Variants in AKAP19 observed in about 807,000 individuals in gnomAD.
AKAP19 encodes the protein A-kinase anchoring protein 19.
the AKAP19 span, among the ~76,000 whole-genome samples, chr2:189,942,090 A>T: frequency 1.3e-5 from 2 of 152,202 alleles, no homozygotes; most frequent in Non-Finnish European, 2.9e-5. Flanking sequence ...TGACAAAGGG[A>T]TCTGATATAG....
the AKAP19 span, among the ~76,000 whole-genome samples, chr2:190,175,361 A>C: frequency 6.6e-6 from 1 of 152,268 alleles, no homozygotes; most frequent in African/African-American, 2.4e-5. Flanking sequence ...CAAACAAGTG[A>C]GAAGAAATAG....
At chr2:190,195,257 A>G in the AKAP19 span, among the ~76,000 whole-genome samples, 1 of 152,224 alleles carries the variant, frequency 6.6e-6, no homozygotes, top group African/African-American at 2.4e-5. Flanking sequence ...CTAAGTTTTC[A>G]AAGTTATGAA....
the AKAP19 span, among the ~76,000 whole-genome samples, chr2:189,880,679 C>G: frequency 6.6e-6 from 1 of 152,218 alleles, no homozygotes; most frequent in Non-Finnish European, 1.5e-5. Flanking sequence ...TCTTGGATGA[C>G]TCAGCTTTCA....
chr2:190,031,375 C>A, the AKAP19 span, among the ~76,000 whole-genome samples: 2 of 152,164 alleles, frequency 1.3e-5, no homozygotes, highest in East Asian at 3.8e-4. Flanking sequence ...CAGTGAGATT[C>A]ATATACAGCT....
chr2:190,139,484 A>G, the AKAP19 span, among the ~76,000 whole-genome samples: 1 of 152,198 alleles, frequency 6.6e-6, no homozygotes, highest in African/African-American at 2.4e-5. Context: ...TAATTTATAA[A>G]GGAAAGAGGT....
At chr2:190,090,364 G>A in the AKAP19 span, among the ~76,000 whole-genome samples, 2 of 152,156 alleles carry the variant, frequency 1.3e-5, no homozygotes, top group Non-Finnish European at 2.9e-5. Flanking sequence ...TTCTGCCTTG[G>A]TCTCTTGGAT....
At chr2:189,917,624 C>T in the AKAP19 span, 3 of 339,116 alleles carry the variant, frequency 8.8e-6, no homozygotes, top group East Asian at 1.8e-4. Context: ...TCTTGTGAGA[C>T]CTTTTTCTTG....
chr2:190,170,931 A>G, the AKAP19 span, among the ~76,000 whole-genome samples: 3 of 152,202 alleles, frequency 2.0e-5, no homozygotes, highest in Non-Finnish European at 2.9e-5. Context: ...ATAAAGTAGC[A>G]ATGTCTCAAG....
At chr2:190,186,858 G>T in the AKAP19 span, among the ~76,000 whole-genome samples, 1 of 151,340 alleles carries the variant, frequency 6.6e-6, no homozygotes, top group African/African-American at 2.4e-5. The surrounding 1 kb of genome is among the most constrained non-coding windows in gnomAD (Gnocchi z 5.5). Context: ...TATTTTTTTT[G>T]AGACTGAGTC....
the AKAP19 span, among the ~76,000 whole-genome samples, chr2:190,167,453 A>G: frequency 6.6e-6 from 1 of 152,158 alleles, no homozygotes; most frequent in Non-Finnish European, 1.5e-5. Flanking sequence ...TTTCAAAACC[A>G]ATCATGCCTT....
At chr2:189,879,808 C>T in the AKAP19 span, 1 of 152,250 alleles carries the variant, frequency 6.6e-6, no homozygotes, top group Non-Finnish European at 1.5e-5. Flanking sequence ...AGCCCTTGGC[C>T]TGGGAGAAGG....
At chr2:190,184,685 T>C in the AKAP19 span, among the ~76,000 whole-genome samples, 1 of 152,220 alleles carries the variant, frequency 6.6e-6, no homozygotes, top group Admixed American at 6.5e-5. Flanking sequence ...AAGATAGTAC[T>C]TGGGTTTAAG....
chr2:190,079,890 T>TGTGTGTGTGTGTGA, the AKAP19 span: 1 of 109,434 alleles, frequency 9.1e-6, no homozygotes, highest in African/African-American at 3.2e-5. Flanking sequence ...TGTGTGTGTG[T>TGTGTGTGTGTGTGA]GAGAGAGAGA....
chr2:189,975,839 C>T, the AKAP19 span, among the ~76,000 whole-genome samples: 2 of 152,202 alleles, frequency 1.3e-5, no homozygotes. Flanking sequence ...TCCATCAGGT[C>T]ATTTAAGGAC....
At chr2:189,899,484 C>A in the AKAP19 span, among the ~76,000 whole-genome samples, 4 of 152,266 alleles carry the variant, frequency 2.6e-5, no homozygotes, top group African/African-American at 9.6e-5. Flanking sequence ...TGGTAACCAT[C>A]TTGTCAGAAA....
chr2:189,880,796 A>AC, the AKAP19 span, among the ~76,000 whole-genome samples: 12 of 152,246 alleles, frequency 7.9e-5, no homozygotes, highest in African/African-American at 2.6e-4. Context: ...ACATTTGGGG[A>AC]CCCCAAATGT....
the AKAP19 span, among the ~76,000 whole-genome samples, chr2:190,076,087 ATTG>A: frequency 6.6e-6 from 1 of 152,052 alleles, no homozygotes; most frequent in Non-Finnish European, 1.5e-5. Flanking sequence ...TCCCTAATGC[ATTG>A]TTGTTATTTT....
At chr2:189,894,499 G>A in the AKAP19 span, among the ~76,000 whole-genome samples, 1 of 152,046 alleles carries the variant, frequency 6.6e-6, no homozygotes, top group Admixed American at 6.5e-5. Flanking sequence ...AACTCACTGA[G>A]TTTCAATAAT....
chr2:190,149,526 T>C, the AKAP19 span, among the ~76,000 whole-genome samples: 2 of 152,206 alleles, frequency 1.3e-5, no homozygotes, highest in African/African-American at 4.8e-5. Flanking sequence ...TGTGTCATTA[T>C]TGTCATTCAG....
Sources: allele counts gnomAD v4.1 joint callset (sites outside exome capture counted in the v4.1 genomes callset), GRCh38; gene constraint gnomAD v4.1.1; non-coding constraint Gnocchi (gnomAD v3.1); transcripts MANE v1.5; gene names NCBI Gene and HGNC (gene_info 2026-07-23, HGNC 2026-07-21).